The following RORA variants were observed in gnomAD, a reference collection of about 807,000 sequenced individuals.
RORA encodes the protein RAR related orphan receptor A.
RORA carries 7 observed loss-of-function variants against 69.5 expected under a neutral mutation model. The observed-to-expected ratio is 0.10, with a 90% CI of 0.06 to 0.19. The LOEUF is 0.19. Ranked by LOEUF, RORA falls within the 10% of genes least tolerant of loss-of-function variation. The pLI, the probability that RORA is intolerant of heterozygous loss-of-function variation, is 1.00. For missense variants in RORA, 457 were observed against 663.0 expected, an observed-to-expected ratio of 0.69 and a Z score of 3.41; for synonymous variants, 261 against 240.8, an observed-to-expected ratio of 1.08 and a Z score of -0.78.
chr15:60,634,664 A>C (rs1449975004), intron 2 of RORA, among the ~76,000 whole-genome samples: 1 of 151,942 alleles, frequency 6.6e-6, no homozygotes. Context: ...TGGCGTTCCA[A>C]AGTGCTGGGA....
intron 1 of RORA, among the ~76,000 whole-genome samples, chr15:61,078,485 T>C (rs1232656784): frequency 1.3e-5 from 2 of 152,130 alleles, no homozygotes; most frequent in Non-Finnish European, 2.9e-5. Flanking sequence ...AGGCATGAGC[T>C]ACTGCACCTG....
intron 1 of RORA, among the ~76,000 whole-genome samples, chr15:60,747,937 A>G (rs139749248): frequency 1.4e-3 from 215 of 152,298 alleles, no homozygotes; most frequent in African/African-American, 5.1e-3. Context: ...ATTCCCACCC[A>G]ATGCATAAAT....
intron 1 of RORA, among the ~76,000 whole-genome samples, chr15:61,083,322 G>C (rs917883149): frequency 6.6e-6 from 1 of 152,196 alleles, no homozygotes; most frequent in African/African-American, 2.4e-5. Context: ...GCAAGATTAA[G>C]ATTACAAAAC....
intron 1 of RORA, among the ~76,000 whole-genome samples, chr15:61,106,762 T>C (rs1226761502): frequency 6.6e-6 from 1 of 152,200 alleles, no homozygotes; most frequent in Non-Finnish European, 1.5e-5. Flanking sequence ...TTCCATCTAT[T>C]TATAAACCCT....
At chr15:60,593,671 A>G (rs1231536620) in intron 2 of RORA, among the ~76,000 whole-genome samples, 1 of 152,194 alleles carries the variant, frequency 6.6e-6, no homozygotes, top group African/African-American at 2.4e-5. Flanking sequence ...ACAGAAAAAA[A>G]TTCTGAAAAG....
At chr15:61,130,007 A>G (rs768396512) in intron 1 of RORA, among the ~76,000 whole-genome samples, 3 of 152,236 alleles carry the variant, frequency 2.0e-5, no homozygotes, top group African/African-American at 4.8e-5. Flanking sequence ...ACTGCTCTGC[A>G]TGGCTGCACC....
At position 60,501,073 on chromosome 15, in the gene RORA, C is replaced by T; in HGVS notation, c.1184-4G>A. The T allele has an allele frequency of 6.6e-7, 1 of 1,516,924 alleles. No homozygotes were observed. Among genetic ancestry groups the T allele is most frequent in the South Asian group, 1.2e-5 (1 of 86,384 alleles). The allele number at this position is 1,516,924 out of a possible 1,614,324, so 94.0% of individuals were successfully genotyped here. ...AAGCTAATAAAGTCTTCACAACCTG[C>T]CAAAATGAAAACAAAGACAGTTTAG... On this transcript the variant is annotated splice_polypyrimidine_tract_variant and splice_region_variant and intron_variant, in intron 8 of 10. Coordinates refer to ENST00000335670, the MANE Select transcript of RORA (RefSeq NM_134261.3).
intron 1 of RORA, among the ~76,000 whole-genome samples, chr15:60,685,859 G>A (rs997902495): frequency 2.0e-5 from 3 of 152,134 alleles, no homozygotes; most frequent in Non-Finnish European, 4.4e-5. Flanking sequence ...AAATCATTTA[G>A]ATATACTAAT....
intron 1 of RORA, among the ~76,000 whole-genome samples, chr15:61,175,541 T>TAAATAAAAAG (rs61188463): frequency 8.3e-6 from 1 of 120,214 alleles, no homozygotes; most frequent in Non-Finnish European, 1.7e-5. Context: ...ATCCTGTTTC[T>TAAATAAAAAG]AAAAAAAAAA....
intron 1 of RORA, among the ~76,000 whole-genome samples, chr15:60,902,528 C>T (rs1891421039): frequency 6.6e-6 from 1 of 152,208 alleles, no homozygotes; most frequent in Non-Finnish European, 1.5e-5. Flanking sequence ...CCTAGAGAAG[C>T]AGCACGGCTT....
chr15:60,669,192 C>A (rs1289796858), intron 2 of RORA, among the ~76,000 whole-genome samples: 1 of 152,150 alleles, frequency 6.6e-6, no homozygotes, highest in Non-Finnish European at 1.5e-5. Flanking sequence ...ACATTCCATG[C>A]CTCTGATTTT....
At chr15:61,012,111 T>C (rs73436249) in intron 1 of RORA, among the ~76,000 whole-genome samples, 2,608 of 152,320 alleles carry the variant, frequency 0.017, 82 homozygotes, top group African/African-American at 0.06. Flanking sequence ...GTGCCCTCTC[T>C]CCAATATTTA....
chr15:60,849,226 T>A (rs1233423423), intron 1 of RORA, among the ~76,000 whole-genome samples: 1 of 152,234 alleles, frequency 6.6e-6, no homozygotes, highest in Non-Finnish European at 1.5e-5. Context: ...TCCTATGTTA[T>A]GATTACCTCT....
chr15:60,733,914 CAGAGAGAGAGAGAGAGAG>C (rs58672002), intron 1 of RORA, among the ~76,000 whole-genome samples: 2 of 101,374 alleles, frequency 2.0e-5, no homozygotes, highest in East Asian at 2.8e-4. Flanking sequence ...AGAATAGGGG[CAGAGAGAGAGAGAGAGAG>C]AGAGAGAGAG....
intron 1 of RORA, among the ~76,000 whole-genome samples, chr15:60,766,381 C>G (rs1842708): frequency 0.6 from 91,460 of 151,368 alleles, 27,891 homozygotes; most frequent in African/African-American, 0.66. Flanking sequence ...ATTTAAAAAG[C>G]CTTCGACAGA....
rs1279941304 is a variant in RORA, at chr15:61,061,362, T to A, written c.166+167691A>T. On this transcript the variant is annotated intron_variant, in intron 1 of 10. Transcript: ENST00000335670. This position sits in a 1 kb window ranked among gnomAD's most constrained non-coding sequence, Gnocchi z 4.4. ...GCGAGGCTCTATCTTAAAAAATAAA[T>A]AAATAAATAAATAAATAAATAAATA... 6.6e-5 allele frequency among the ~76,000 whole-genome samples: 9 copies of A among 136,600 alleles called. No homozygotes were observed. Among genetic ancestry groups the A allele is most frequent in the African/African-American group, 2.6e-4 (9 of 34,812 alleles). The allele number at this position is 136,600 out of a possible 152,430, so 89.6% of individuals were successfully genotyped here.
chr15:60,798,107 T>C (rs1264051818), intron 1 of RORA, among the ~76,000 whole-genome samples: 3 of 151,568 alleles, frequency 2.0e-5, no homozygotes, highest in African/African-American at 7.3e-5. Flanking sequence ...CTGGCAATAG[T>C]CACTAAATTA....
At chr15:60,782,774 C>G (rs527463663) in intron 1 of RORA, among the ~76,000 whole-genome samples, 2 of 152,170 alleles carry the variant, frequency 1.3e-5, no homozygotes, top group African/African-American at 4.8e-5. Context: ...ATAAAAAATG[C>G]AAATTAAAGC....
At chr15:60,729,976 A>C (rs2071408829) in intron 1 of RORA, among the ~76,000 whole-genome samples, 3 of 152,196 alleles carry the variant, frequency 2.0e-5, no homozygotes, top group Admixed American at 2.0e-4. Context: ...CACTGAATCA[A>C]AGTGGTTCTT....
Sources: gnomAD v4.1 joint callset for allele counts (sites outside exome capture counted in the v4.1 genomes callset) on GRCh38, gnomAD v4.1.1 for gene constraint, Gnocchi (gnomAD v3.1) non-coding constraint, MANE v1.5 for transcripts, NCBI Gene and HGNC (gene_info 2026-07-23, HGNC 2026-07-21) for gene names.